Variants in ARHGEF10 observed in about 807,000 individuals in gnomAD.
The protein encoded by ARHGEF10 is Rho guanine nucleotide exchange factor (GEF) 10.
Under a neutral mutation model 147.4 loss-of-function variants are expected in ARHGEF10, and 140 were observed. The ratio of observed to expected loss-of-function variants is 0.95; its 90% CI spans 0.83 to 1.09. The LOEUF is 1.09. Among genes scored for constraint, ARHGEF10 ranks in the 50% least tolerant of loss-of-function variants. The pLI, the probability that ARHGEF10 is intolerant of heterozygous loss-of-function variation, is 0.00. For missense variants in ARHGEF10, 2,222 were observed against 1,752.7 expected (o/e 1.27, Z -4.78); for synonymous variants, 902 against 695.8 (o/e 1.30, Z -4.67).
At chr8:1,850,959 C>G (rs150396276) in intron 2 of ARHGEF10, among the ~76,000 whole-genome samples, 2 of 151,498 alleles carry the variant, frequency 1.3e-5, no homozygotes, top group Non-Finnish European at 2.9e-5. Flanking sequence ...AGGCTGCGCC[C>G]GGTGCGATTC....
At chr8:1,923,128 C>A in intron 19 of ARHGEF10, 49 bp downstream of exon 19, 5 of 1,324,010 alleles carry the variant, frequency 3.8e-6, no homozygotes, top group South Asian at 2.4e-5. Context: ...ACTTATAAGT[C>A]ATTGTAAGTA....
chr8:1,926,908 C>G, intron 23 of ARHGEF10: 1 of 294,516 alleles, frequency 3.4e-6, no homozygotes, highest in Non-Finnish European at 6.5e-6. Context: ...CTGGTTCTTG[C>G]AAACCAGAGG....
At chr8:1,851,258 ACACC>A (rs1489207188) in intron 2 of ARHGEF10, among the ~76,000 whole-genome samples, 1 of 149,828 alleles carries the variant, frequency 6.7e-6, no homozygotes, top group Non-Finnish European at 1.5e-5. Flanking sequence ...GGCCTCACGC[ACACC>A]GTGGGCTTTA....
chr8:1,880,791 C>T (rs139326495), intron 9 of ARHGEF10, among the ~76,000 whole-genome samples: 1 of 152,280 alleles, frequency 6.6e-6, no homozygotes, highest in African/African-American at 2.4e-5. Flanking sequence ...TTTTATCCTG[C>T]TGGTATTTTG....
chr8:1,904,122 T>G (rs570083509), intron 16 of ARHGEF10: 2 of 152,588 alleles, frequency 1.3e-5, no homozygotes, highest in African/African-American at 2.4e-5. Flanking sequence ...TCACAAACAT[T>G]TTTTGTCTTC....
At chr8:1,943,066 G>T (rs956187962) in intron 26 of ARHGEF10, among the ~76,000 whole-genome samples, 11 of 152,204 alleles carry the variant, frequency 7.2e-5, no homozygotes, top group Non-Finnish European at 1.3e-4. Flanking sequence ...TTATAGCTCA[G>T]TGTTTTCAAA....
intron 18 of ARHGEF10, among the ~76,000 whole-genome samples, chr8:1,921,231 G>T (rs549154094): frequency 1.3e-5 from 2 of 152,212 alleles, no homozygotes; most frequent in East Asian, 1.9e-4. Context: ...AATTATAAAT[G>T]GTTATGCTAC....
At chr8:1,939,951 T>C (rs1028530659) in intron 26 of ARHGEF10, among the ~76,000 whole-genome samples, 14 of 152,172 alleles carry the variant, frequency 9.2e-5, no homozygotes, top group Admixed American at 7.2e-4. Context: ...TGCTGAGCCA[T>C]TGAAGGGTTT....
At chr8:1,890,157 CACT>C (rs1809354376) in intron 11 of ARHGEF10, among the ~76,000 whole-genome samples, 1 of 38,848 alleles carries the variant, frequency 2.6e-5, no homozygotes, top group Admixed American at 3.1e-4. Flanking sequence ...TGTGAGGAGA[CACT>C]GAGTGGGGTG....
intron 28 of ARHGEF10, among the ~76,000 whole-genome samples, chr8:1,954,448 A>G (rs1815315772): frequency 6.7e-6 from 1 of 150,368 alleles, no homozygotes; most frequent in Non-Finnish European, 1.5e-5. Context: ...TCAACCGGCA[A>G]GTGCAATGCA....
At position 1,859,942 on chromosome 8, in the gene ARHGEF10, C is replaced by G; in HGVS notation, c.239C>G (p.Pro80Arg). Residue 80 changes from proline (P) to arginine (R), a missense_variant, in exon 4 of 29, where the codon CCT (proline) becomes CGT (arginine). Pro to Arg is a moderately radical substitution (Grantham distance 103). Transcript: ENST00000349830. ...GCAGAAACCACCCCAGTGGCAGAGCCTACTAAGCTGGTGCTCCCGATGAAA... is the reference window on the plus strand; with the variant it reads ...GCAGAAACCACCCCAGTGGCAGAGCGTACTAAGCTGGTGCTCCCGATGAAA... Reference protein sequence around the residue: ...AGAETTPVAEPTKLVLPMKVN... With the variant: ...AGAETTPVAERTKLVLPMKVN... The G allele has an allele frequency of 1.2e-6, 2 of 1,614,176 alleles. No individual in the cohort carries two copies. The highest frequency in any genetic ancestry group is 1.1e-5 in the South Asian group (1 of 91,084).
At chr8:1,869,387 T>G (rs1482331947) in intron 7 of ARHGEF10, 137 bp downstream of exon 7, 1 of 775,408 alleles carries the variant, frequency 1.3e-6, no homozygotes, top group East Asian at 2.6e-5. Flanking sequence ...GAATGGCTTA[T>G]TGATGTGTGG....
chr8:1,832,367 GAGACAGAGACAGAGGCAGAGGCAGAGAC>G (rs1379279487), intron 1 of ARHGEF10, among the ~76,000 whole-genome samples: 17 of 136,344 alleles, frequency 1.2e-4, no homozygotes, highest in Admixed American at 5.2e-4. Context: ...GGCAGAGACA[GAGACAGAGACAGAGGCAGAGGCAGAGAC>G]AGAGAGAGGC....
At chr8:1,909,113 C>G (rs992525566) in intron 17 of ARHGEF10, among the ~76,000 whole-genome samples, 182 bp from the exon 18 acceptor site, 4 of 152,196 alleles carry the variant, frequency 2.6e-5, no homozygotes, top group African/African-American at 4.8e-5. Flanking sequence ...AGTTCGAGGC[C>G]TCTTTATGGC....
intron 2 of ARHGEF10, among the ~76,000 whole-genome samples, chr8:1,857,015 G>A (rs1330628442): frequency 1.3e-5 from 2 of 152,168 alleles, no homozygotes; most frequent in Admixed American, 6.5e-5. Context: ...TGATGCACAC[G>A]GCAGGCTGCG....
rs761072659 is a variant in ARHGEF10, at chr8:1,864,456, C to T, written c.545+20C>T. The T allele has an allele frequency of 3.7e-6, 6 of 1,610,494 alleles. No individual in the cohort carries two copies. Among genetic ancestry groups the T allele is most frequent in the Non-Finnish European group, 5.1e-6 (6 of 1,176,722 alleles). ...AACCAGGTATCTGCATCCGTCTTCC[C>T]ACACCTGCTGAATTCCCGCCTTTCT... On this transcript the variant is annotated intron_variant, in intron 5 of 28. Coordinates refer to ENST00000349830, the MANE Select transcript of ARHGEF10 (RefSeq NM_014629.4).
At chr8:1,926,750 A>G in intron 23 of ARHGEF10, 1 of 447,100 alleles carries the variant, frequency 2.2e-6, no homozygotes, top group South Asian at 2.5e-5. Flanking sequence ...TAATTTTAAT[A>G]TGTTTTTCCA....
rs371163899 is a variant in ARHGEF10 at position 1,928,470 on chromosome 8, C to T, written c.2741C>T (p.Ser914Leu). Reference protein sequence around the residue: ...THQMGQIAIVSFQNSTPKVIE... With the variant: ...THQMGQIAIVLFQNSTPKVIE... ...CAAATGGGTCAGATTGCCATCGTCT[C>T]GTTTCAAAATTCCACTCCCAAAGTC... The change falls in exon 24 of 29, where the codon TCG (serine) becomes TTG (leucine). Residue 914 changes from serine to leucine, a missense_variant. Transcript: ENST00000349830. 22 of 1,613,920 alleles carry T rather than the reference C, an allele frequency of 1.4e-5. No individual in the cohort carries two copies. The highest frequency in any genetic ancestry group is 2.7e-5 in the African/African-American group (2 of 74,860).
At chr8:1,943,521 T>A (rs1814280010) in intron 26 of ARHGEF10, 1 of 152,196 alleles carries the variant, frequency 6.6e-6, no homozygotes, top group Admixed American at 6.5e-5. Flanking sequence ...ACTTCCCAAC[T>A]CCCAGGCAGA....
Sources: allele counts gnomAD v4.1 joint callset (sites outside exome capture counted in the v4.1 genomes callset), GRCh38; gene constraint gnomAD v4.1.1; transcripts MANE v1.5; gene names NCBI Gene and HGNC (gene_info 2026-07-23, HGNC 2026-07-21).